GPM6B: variants seen among roughly 807,000 people sequenced by gnomAD.
GPM6B encodes the protein glycoprotein M6B, also known as neuronal membrane glycoprotein M6-b.
In GPM6B, 4 loss-of-function variants were observed where a neutral mutation model predicts 27.2. The ratio of observed to expected loss-of-function variants is 0.15; its 90% CI spans 0.07 to 0.34. GPM6B has a LOEUF of 0.34. Among genes scored for constraint, GPM6B ranks in the 10% least tolerant of loss-of-function variants. The probability of loss-of-function intolerance (pLI) is 1.00; values close to 1 mark genes in which losing one functional copy is unlikely to be tolerated. For synonymous variants in GPM6B, 124 were observed against 103.1 expected (o/e 1.20, Z -1.23); for missense variants, 183 against 261.9 (o/e 0.70, Z 2.08).
intron 6 of GPM6B, 77 bp downstream of exon 6, chrX:13,777,275 C>T (rs1181972937): frequency 8.5e-6 from 6 of 704,931 alleles, no homozygotes; most frequent in East Asian, 3.2e-5. Flanking sequence ...CCATCTCTCT[C>T]GCTCTTTCTA....
intron 1 of GPM6B, among the ~76,000 whole-genome samples, chrX:13,813,456 T>C (rs914392160): frequency 4.6e-4 from 52 of 111,963 alleles, no homozygotes; most frequent in Non-Finnish European, 7.2e-4. Context: ...GGAATTTAAT[T>C]TGATGCCTGT....
intron 1 of GPM6B, among the ~76,000 whole-genome samples, chrX:13,835,528 C>T (rs1289442684): frequency 8.9e-6 from 1 of 111,878 alleles, no homozygotes; most frequent in Non-Finnish European, 1.9e-5. Context: ...ACAATGGGAG[C>T]AAGTTTCTTA....
chrX:13,812,288 C>A (rs1186642700), intron 1 of GPM6B, among the ~76,000 whole-genome samples: 2 of 110,622 alleles, frequency 1.8e-5, no homozygotes, highest in Non-Finnish European at 3.8e-5. Context: ...CTCTTGACCT[C>A]TTGATCCGCC....
At chrX:13,787,561 AAAG>A (rs2048637253) in intron 2 of GPM6B, among the ~76,000 whole-genome samples, 1 of 112,077 alleles carries the variant, frequency 8.9e-6, no homozygotes, top group Non-Finnish European at 1.9e-5. Flanking sequence ...CGTCTCAAAA[AAAG>A]AAAAAGGGAA....
upstream of GPM6B, chrX:13,817,223 G>T: frequency 1.2e-6 from 1 of 857,814 alleles, no homozygotes; most frequent in Non-Finnish European, 1.4e-6. Context: ...GGGAGTTGGG[G>T]GTAGGGGGGT....
At chrX:13,885,075 A>G (rs1163957709) in intron 1 of GPM6B, among the ~76,000 whole-genome samples, 1 of 112,274 alleles carries the variant, frequency 8.9e-6, no homozygotes, top group African/African-American at 3.2e-5. Context: ...TTCTTAGTAC[A>G]GGAAGGCATC....
intron 1 of GPM6B, among the ~76,000 whole-genome samples, chrX:13,811,573 C>A (rs1448691170): frequency 8.9e-6 from 1 of 112,100 alleles, no homozygotes; most frequent in African/African-American, 3.2e-5. Context: ...TTTATTGGAA[C>A]ACAGTTGCAC....
chrX:13,804,392 G>A (rs1331870740), intron 2 of GPM6B, among the ~76,000 whole-genome samples: 1 of 80,471 alleles, frequency 1.2e-5, no homozygotes, highest in Admixed American at 1.7e-4. Flanking sequence ...CTCAGGCCAG[G>A]CCCCTAGGGC....
intron 2 of GPM6B, among the ~76,000 whole-genome samples, chrX:13,802,475 A>G (rs1279861433): frequency 9.0e-6 from 1 of 111,249 alleles, no homozygotes; most frequent in East Asian, 2.8e-4. Flanking sequence ...ATAGCGCATA[A>G]ACAATGGAAC....
chrX:13,843,425 G>C (rs1322469114), intron 1 of GPM6B, among the ~76,000 whole-genome samples: 1 of 112,307 alleles, frequency 8.9e-6, no homozygotes, highest in Non-Finnish European at 1.9e-5. Flanking sequence ...GCTTTTGTGT[G>C]AACACAAGTT....
At chrX:13,910,681 G>A (rs988757727) in intron 1 of GPM6B, among the ~76,000 whole-genome samples, 1 of 112,902 alleles carries the variant, frequency 8.9e-6, no homozygotes, top group Non-Finnish European at 1.9e-5. Flanking sequence ...CAGCATCGAC[G>A]TCAAGCTTGT....
At chrX:13,800,887 C>T (rs920341172) in intron 2 of GPM6B, among the ~76,000 whole-genome samples, 1 of 109,897 alleles carries the variant, frequency 9.1e-6, no homozygotes, top group African/African-American at 3.3e-5. Flanking sequence ...GTTGCCCAGG[C>T]TGAACTTGAA....
intron 7 of GPM6B, chrX:13,774,521 C>G: frequency 3.3e-6 from 4 of 1,202,271 alleles, no homozygotes; most frequent in Non-Finnish European, 4.5e-6. Flanking sequence ...CAGAGCATAG[C>G]TCTCTAAAAC....
At chrX:13,833,376 T>C (rs990687222) in intron 1 of GPM6B, among the ~76,000 whole-genome samples, 6 of 110,078 alleles carry the variant, frequency 5.5e-5, no homozygotes, top group African/African-American at 2.0e-4. Context: ...TTCCATATAT[T>C]TGAGAATAAG....
upstream of GPM6B, among the ~76,000 whole-genome samples, chrX:13,822,154 G>A (rs1050049779): frequency 1.8e-5 from 2 of 111,092 alleles, no homozygotes; most frequent in Non-Finnish European, 3.8e-5. Context: ...CAATTTTGGT[G>A]TTTCATGGAA....
At chrX:13,829,859 ATTTT>A (rs34742721) in intron 1 of GPM6B, among the ~76,000 whole-genome samples, 4,130 of 88,415 alleles carry the variant, frequency 0.047, 105 homozygotes, top group East Asian at 0.094. Context: ...TCTGTCCTGA[ATTTT>A]TTTTTTTTTT....
chrX:13,834,314 A>G (rs780821049), intron 1 of GPM6B, among the ~76,000 whole-genome samples: 1 of 112,822 alleles, frequency 8.9e-6, no homozygotes, highest in East Asian at 2.8e-4. Context: ...CTAGGCAGAG[A>G]TAATTCTTCC....
intron 1 of GPM6B, among the ~76,000 whole-genome samples, chrX:13,895,619 C>T (rs1247486056): frequency 2.7e-5 from 3 of 111,788 alleles, no homozygotes; most frequent in African/African-American, 9.8e-5. Context: ...TGAAAAGTGA[C>T]TCAATTTGTA....
At chrX:13,823,924 C>T (rs1021051263) in intron 1 of GPM6B, among the ~76,000 whole-genome samples, 7 of 112,587 alleles carry the variant, frequency 6.2e-5, no homozygotes, top group Non-Finnish European at 1.3e-4. Context: ...TTTCAACATA[C>T]TGGGCTGCCA....
Sources: gnomAD v4.1 joint callset for allele counts (sites outside exome capture counted in the v4.1 genomes callset) on GRCh38, gnomAD v4.1.1 for gene constraint, MANE v1.5 for transcripts, NCBI Gene and HGNC (gene_info 2026-07-23, HGNC 2026-07-21) for gene names.